The following PSD3 variants were observed in gnomAD, a reference collection of about 807,000 sequenced individuals.
The protein encoded by PSD3 is pleckstrin and Sec7 domain containing 3.
Under a neutral mutation model 105.5 loss-of-function variants are expected in PSD3, and 49 were observed. That is an observed-to-expected ratio of 0.46 (90% CI 0.37 to 0.59). PSD3 has a LOEUF of 0.59. Among genes scored for constraint, PSD3 ranks in the 20% least tolerant of loss-of-function variants. PSD3 has a pLI of 0.00. For synonymous variants in PSD3, 557 were observed against 457.8 expected (o/e 1.22, Z -2.77); for missense variants, 1,561 against 1,263.8 (o/e 1.24, Z -3.57).
chr8:18,994,182 T>C (rs1825944767), intron 1 of PSD3, among the ~76,000 whole-genome samples: 1 of 152,128 alleles, frequency 6.6e-6, no homozygotes, highest in Non-Finnish European at 1.5e-5. Context: ...TAAATTATCC[T>C]AAACAACATT....
At chr8:18,591,659 G>C (rs1803618135) in intron 12 of PSD3, among the ~76,000 whole-genome samples, 1 of 152,122 alleles carries the variant, frequency 6.6e-6, no homozygotes, top group South Asian at 2.1e-4. Flanking sequence ...TAGTGTACTT[G>C]ATTTCTCCCT....
At chr8:18,947,985 C>T (rs182042060) in intron 1 of PSD3, among the ~76,000 whole-genome samples, 55 of 152,284 alleles carry the variant, frequency 3.6e-4, no homozygotes, top group African/African-American at 1.2e-3. Flanking sequence ...AGCTGGAGAC[C>T]TTCAATGAAA....
chr8:19,028,946 C>T (rs1026058616), intron 1 of PSD3, among the ~76,000 whole-genome samples: 2 of 152,142 alleles, frequency 1.3e-5, no homozygotes, highest in African/African-American at 4.8e-5. Flanking sequence ...TATCCTTTTG[C>T]ATTTACCTTA....
chr8:18,963,829 G>C (rs1005657019), intron 1 of PSD3, among the ~76,000 whole-genome samples: 1 of 152,190 alleles, frequency 6.6e-6, no homozygotes, highest in East Asian at 1.9e-4. Flanking sequence ...ATTGAAAAGA[G>C]TGAGAGGTAT....
At chr8:18,919,752 A>G (rs1820873934) in intron 2 of PSD3, among the ~76,000 whole-genome samples, 1 of 151,218 alleles carries the variant, frequency 6.6e-6, no homozygotes, top group Non-Finnish European at 1.5e-5. Flanking sequence ...TCGCAATAAT[A>G]AAAAACCAAA....
chr8:18,738,358 T>C (rs78516081), intron 9 of PSD3, among the ~76,000 whole-genome samples: 4,946 of 152,006 alleles, frequency 0.033, 113 homozygotes, highest in Non-Finnish European at 0.051. Context: ...ATTTATAAAA[T>C]GGGAAGGTTC....
chr8:18,887,612 T>C (rs536427354), intron 2 of PSD3, among the ~76,000 whole-genome samples: 1 of 152,314 alleles, frequency 6.6e-6, no homozygotes, highest in East Asian at 1.9e-4. Flanking sequence ...TGATACTTAA[T>C]AGTGATAATG....
chr8:19,068,604 T>C (rs963173494), intron 1 of PSD3, among the ~76,000 whole-genome samples: 6 of 152,130 alleles, frequency 3.9e-5, no homozygotes, highest in Non-Finnish European at 8.8e-5. Context: ...TCTTCCCTTT[T>C]GATAGCAAGG....
At chr8:18,893,630 C>G (rs905653618) in intron 2 of PSD3, among the ~76,000 whole-genome samples, 9 of 151,844 alleles carry the variant, frequency 5.9e-5, no homozygotes, top group African/African-American at 2.2e-4. Context: ...GGCAGGGAAG[C>G]AGGATCGGAA....
intron 14 of PSD3, among the ~76,000 whole-genome samples, chr8:18,567,083 A>C (rs1398900948): frequency 6.6e-6 from 1 of 152,228 alleles, no homozygotes; most frequent in East Asian, 1.9e-4. Flanking sequence ...GGAAACACTC[A>C]TATGTTGCTC....
chr8:18,649,358 G>A (rs1219994540), intron 10 of PSD3, among the ~76,000 whole-genome samples: 1 of 152,222 alleles, frequency 6.6e-6, no homozygotes, highest in Non-Finnish European at 1.5e-5. Context: ...GGAGCTTTAA[G>A]ATTTAATGAC....
At chr8:18,638,262 G>C (rs1807411183) in intron 10 of PSD3, among the ~76,000 whole-genome samples, 1 of 149,206 alleles carries the variant, frequency 6.7e-6, no homozygotes, top group African/African-American at 2.5e-5. Flanking sequence ...AACAAGACAA[G>C]AATGCCCACT....
rs539452700 is a variant in PSD3 at position 18,889,771 on chromosome 8, T to C, written c.131-17038A>G. 1.1e-4 allele frequency among the ~76,000 whole-genome samples: 16 copies of C among 152,274 alleles called. No individual in the cohort carries two copies. The South Asian group carries it at 2.5e-3, about 24-fold the overall frequency. On this transcript the variant is annotated intron_variant, in intron 2 of 15. Coordinates refer to ENST00000327040, the MANE Select transcript of PSD3 (RefSeq NM_015310.4). ...CCATGTCTGGATGTCTCCCCATACC[T>C]GAATTTTTAAAAACCCCATGTACAA...
At chr8:18,626,118 T>C (rs533176402) in intron 11 of PSD3, among the ~76,000 whole-genome samples, 2 of 152,126 alleles carry the variant, frequency 1.3e-5, no homozygotes, top group African/African-American at 4.8e-5. Flanking sequence ...ACTTCTAAGA[T>C]AGGTACAACA....
At chr8:18,661,446 A>T (rs775821575) in intron 9 of PSD3, among the ~76,000 whole-genome samples, 6 of 152,256 alleles carry the variant, frequency 3.9e-5, no homozygotes, top group Non-Finnish European at 8.8e-5. Context: ...GTTAAAAATT[A>T]ATGATAAAAC....
chr8:19,063,571 A>G (rs939728921), intron 1 of PSD3, among the ~76,000 whole-genome samples: 1 of 152,190 alleles, frequency 6.6e-6, no homozygotes, highest in African/African-American at 2.4e-5. Flanking sequence ...TGTTGGGCAG[A>G]TGAATGAATG....
intron 1 of PSD3, among the ~76,000 whole-genome samples, chr8:18,976,466 T>C (rs1824949130): frequency 6.6e-6 from 1 of 152,222 alleles, no homozygotes; most frequent in Non-Finnish European, 1.5e-5. Flanking sequence ...TGTTTACCAA[T>C]ACCAAGGCTT....
intron 1 of PSD3, among the ~76,000 whole-genome samples, chr8:19,061,359 T>G (rs2129477559): frequency 6.6e-6 from 1 of 152,260 alleles, no homozygotes; most frequent in South Asian, 2.1e-4. Context: ...ATTTAATCAC[T>G]GGCGACAAGA....
Position 18,534,279 on chromosome 8 carries a change from G to T in PSD3, c.*1464C>A, listed in dbSNP as rs1402970124. 1 of 152,558 alleles carries T rather than the reference G, an allele frequency of 6.6e-6. No homozygotes were observed. The highest frequency in any genetic ancestry group is 1.5e-5 in the Non-Finnish European group (1 of 68,020). The allele number at this position is 152,558 out of a possible 1,614,324, so 9.5% of individuals were successfully genotyped here. A position where few individuals can be genotyped will look rare whatever the true frequency, so the allele number is the denominator to read the frequency against. Reference sequence around the variant, plus strand: ...TATTAGTTCTGAAGTTGTGCCACTTGCGGAGATTTTAACTTTAGGGATTAC... The same window carrying T: ...TATTAGTTCTGAAGTTGTGCCACTTTCGGAGATTTTAACTTTAGGGATTAC... On this transcript the variant is annotated 3_prime_UTR_variant, in exon 16 of 16. Transcript: ENST00000327040.
Sources: gnomAD v4.1 joint callset for allele counts (sites outside exome capture counted in the v4.1 genomes callset) on GRCh38, gnomAD v4.1.1 for gene constraint, MANE v1.5 for transcripts, NCBI Gene and HGNC (gene_info 2026-07-23, HGNC 2026-07-21) for gene names.